IL1RAPL2: variants seen among roughly 807,000 people sequenced by gnomAD.
IL1RAPL2 encodes the protein interleukin 1 receptor accessory protein like 2, also known as X-linked interleukin-1 receptor accessory protein-like 2.
IL1RAPL2 carries 3 observed loss-of-function variants against 44.1 expected under a neutral mutation model. The observed-to-expected ratio is 0.07, with a 90% confidence interval of 0.03 to 0.18. IL1RAPL2 has a LOEUF of 0.18. IL1RAPL2 is among the 10% of genes least tolerant of loss of function. The pLI is 1.00. For synonymous variants in IL1RAPL2, 181 were observed against 178.8 expected, an observed-to-expected ratio of 1.01 and a Z score of -0.10; for missense variants, 391 against 496.4, an observed-to-expected ratio of 0.79 and a Z score of 2.02.
chrX:104,964,777 A>G (rs937789011), intron 2 of IL1RAPL2, among the ~76,000 whole-genome samples: 1 of 111,158 alleles, frequency 9.0e-6, no homozygotes, highest in African/African-American at 3.3e-5. Context: ...GCCTAGAAAT[A>G]CTGGGAAACA....
At chrX:105,223,984 G>A (rs1224401162) in intron 3 of IL1RAPL2, among the ~76,000 whole-genome samples, 2 of 111,223 alleles carry the variant, frequency 1.8e-5, no homozygotes, top group African/African-American at 6.5e-5. Context: ...TGGGCTGGAA[G>A]TTAGGTGAGA....
intron 2 of IL1RAPL2, among the ~76,000 whole-genome samples, chrX:104,938,748 T>C (rs1457987466): frequency 9.0e-6 from 1 of 110,650 alleles, no homozygotes; most frequent in Non-Finnish European, 1.9e-5. Flanking sequence ...CCGTGGCGTT[T>C]AATTGGAGGC....
intron 1 of IL1RAPL2, among the ~76,000 whole-genome samples, chrX:104,633,520 C>T (rs754642795): frequency 2.7e-5 from 3 of 111,632 alleles, no homozygotes; most frequent in Admixed American, 1.9e-4. Context: ...AATTTCAGAG[C>T]CTGTTATTTG....
chrX:104,661,480 G>A (rs974358712), intron 2 of IL1RAPL2, among the ~76,000 whole-genome samples: 5 of 111,121 alleles, frequency 4.5e-5, no homozygotes, highest in African/African-American at 1.3e-4. Context: ...AAAAGATAGG[G>A]CATGGGATGA....
At chrX:105,005,678 T>G (rs966997492) in intron 2 of IL1RAPL2, among the ~76,000 whole-genome samples, 1 of 110,627 alleles carries the variant, frequency 9.0e-6, no homozygotes, top group Non-Finnish European at 1.9e-5. Context: ...TTTCCAAGTT[T>G]TGTGAAGACT....
chrX:104,604,093 C>G (rs1002064209), intron 1 of IL1RAPL2, among the ~76,000 whole-genome samples: 4 of 112,337 alleles, frequency 3.6e-5, no homozygotes, highest in African/African-American at 9.7e-5. Context: ...GCCCATCAGA[C>G]TAACAGCAGA....
At position 105,309,074 on chromosome X, in the gene IL1RAPL2, G is replaced by A. The variant is rs746368766; in HGVS notation, c.697+41533G>A. On this transcript the variant is annotated intron_variant, in intron 5 of 10. Transcript: ENST00000372582. Reference sequence around the variant, plus strand: ...TTTGAGATGGAGTTTTGCCCTTGTCGCCCAGGCTGGAGTGCAGTGGCACAA... The same window carrying A: ...TTTGAGATGGAGTTTTGCCCTTGTCACCCAGGCTGGAGTGCAGTGGCACAA... Among the ~76,000 whole-genome samples, 133 of 109,893 alleles carry A rather than the reference G, an allele frequency of 1.2e-3. 1 individual carries two copies. Among genetic ancestry groups the A allele is most frequent in the African/African-American group, 3.9e-3 (117 of 30,225 alleles).
At chrX:105,408,191 C>G (rs1481841700) in intron 5 of IL1RAPL2, among the ~76,000 whole-genome samples, 1 of 111,967 alleles carries the variant, frequency 8.9e-6, no homozygotes, top group Non-Finnish European at 1.9e-5. Flanking sequence ...TTGGCTGGTC[C>G]AAGATGTAAT....
chrX:105,511,421 A>G (rs767145793), intron 6 of IL1RAPL2, among the ~76,000 whole-genome samples: 1 of 111,016 alleles, frequency 9.0e-6, no homozygotes, highest in East Asian at 2.8e-4. Flanking sequence ...GTGCTGTCCT[A>G]TATATATATA....
At chrX:105,227,399 T>G (rs2034027530) in intron 3 of IL1RAPL2, among the ~76,000 whole-genome samples, 1 of 111,777 alleles carries the variant, frequency 8.9e-6, no homozygotes, top group East Asian at 2.8e-4. Context: ...TGTTTTGTTT[T>G]ATTTTAAAAA....
intron 2 of IL1RAPL2, among the ~76,000 whole-genome samples, chrX:104,722,925 G>T (rs1294229382): frequency 9.0e-6 from 1 of 111,268 alleles, no homozygotes; most frequent in Non-Finnish European, 1.9e-5. Flanking sequence ...GCATTATTTT[G>T]ATTACAAAAA....
chrX:105,249,468 A>AATTTTC (rs1254652433), intron 4 of IL1RAPL2, among the ~76,000 whole-genome samples: 27 of 111,639 alleles, frequency 2.4e-4, no homozygotes, highest in African/African-American at 8.4e-4. Context: ...AAAATAATTT[A>AATTTTC]ATTTTCCATT....
At chrX:105,672,224 A>G (rs890327288) in intron 6 of IL1RAPL2, among the ~76,000 whole-genome samples, 4 of 111,942 alleles carry the variant, frequency 3.6e-5, no homozygotes, top group Admixed American at 9.5e-5. Flanking sequence ...CTAGCTTCCA[A>G]TGTAAACCTA....
chrX:104,620,816 A>G (rs1438442679), intron 1 of IL1RAPL2, among the ~76,000 whole-genome samples: 4 of 106,274 alleles, frequency 3.8e-5, no homozygotes. Context: ...GTGTTCCATG[A>G]AACTTTTGAA....
At chrX:105,168,132 A>G (rs2033387227) in intron 2 of IL1RAPL2, among the ~76,000 whole-genome samples, 1 of 112,075 alleles carries the variant, frequency 8.9e-6, no homozygotes, top group South Asian at 3.7e-4. Flanking sequence ...AGTGATGCCA[A>G]CACATTGATC....
chrX:105,150,752 A>G (rs752852965), intron 2 of IL1RAPL2, among the ~76,000 whole-genome samples: 39 of 112,029 alleles, frequency 3.5e-4, no homozygotes, highest in Non-Finnish European at 6.8e-4. Context: ...ATGCACTTAG[A>G]AGTAACACTT....
intron 5 of IL1RAPL2, among the ~76,000 whole-genome samples, chrX:105,298,280 T>C (rs902891555): frequency 8.9e-6 from 1 of 111,939 alleles, no homozygotes; most frequent in African/African-American, 3.2e-5. Flanking sequence ...AGCAAGGAGA[T>C]GTTGAATGAT....
intron 6 of IL1RAPL2, among the ~76,000 whole-genome samples, chrX:105,489,144 C>T (rs1476110508): frequency 9.0e-6 from 1 of 111,611 alleles, no homozygotes; most frequent in African/African-American, 3.3e-5. Flanking sequence ...CTAACGTTCC[C>T]TGTGGTAATG....
intron 5 of IL1RAPL2, among the ~76,000 whole-genome samples, chrX:105,343,747 A>G (rs1178187453): frequency 6.2e-5 from 7 of 112,345 alleles, no homozygotes; most frequent in African/African-American, 1.9e-4. Flanking sequence ...TACAAAAAGT[A>G]TAGTGTGTGC....
Sources: gnomAD v4.1 joint callset for allele counts (sites outside exome capture counted in the v4.1 genomes callset) on GRCh38, gnomAD v4.1.1 for gene constraint, MANE v1.5 for transcripts, NCBI Gene and HGNC (gene_info 2026-07-23, HGNC 2026-07-21) for gene names.